The following AKAP13 variants were observed in gnomAD, a reference collection of about 807,000 sequenced individuals.
The protein encoded by AKAP13 is A-kinase anchor protein 13.
AKAP13 carries 80 observed loss-of-function variants against 264.5 expected under a neutral mutation model. The ratio of observed to expected loss-of-function variants is 0.30; its 90% CI spans 0.25 to 0.36. The LOEUF is 0.36. Ranked by LOEUF, AKAP13 falls within the 10% of genes least tolerant of loss-of-function variation. The pLI, the probability that AKAP13 is intolerant of heterozygous loss-of-function variation, is 1.00. For synonymous variants in AKAP13, 1,380 were observed against 1,250.2 expected, an observed-to-expected ratio of 1.10 and a Z score of -2.19; for missense variants, 3,712 against 3,435.2, an observed-to-expected ratio of 1.08 and a Z score of -2.01.
intron 14 of AKAP13, among the ~76,000 whole-genome samples, chr15:85,670,503 T>C (rs894560619): frequency 6.7e-5 from 10 of 150,062 alleles, no homozygotes; most frequent in Non-Finnish European, 1.5e-5. Context: ...TTAATATCGA[T>C]AAAATTGTGT....
rs7181234 is a variant in AKAP13, at chr15:85,489,554, A to G, written c.33+3801A>G. 2.3e-3 allele frequency among the ~76,000 whole-genome samples: 356 copies of G among 152,262 alleles called. 3 individuals are homozygous for G. The highest frequency in any genetic ancestry group is 8.2e-3 in the African/African-American group (339 of 41,558). On this transcript the variant is annotated intron_variant, in intron 2 of 36. Coordinates refer to ENST00000394518, the MANE Select transcript of AKAP13 (RefSeq NM_007200.5). ...GGGGGAAGTTCTCTGCACCTGGACAAAGAAATAAGCAAGAGAACAAAGACT... is the reference window on the plus strand; with the variant it reads ...GGGGGAAGTTCTCTGCACCTGGACAGAGAAATAAGCAAGAGAACAAAGACT...
At chr15:85,544,323 C>T (rs1406992865) in intron 5 of AKAP13, among the ~76,000 whole-genome samples, 1 of 152,166 alleles carries the variant, frequency 6.6e-6, no homozygotes, top group Non-Finnish European at 1.5e-5. Context: ...TTTCCTATAT[C>T]ATATATTTTT....
At chr15:85,667,992 A>G (rs1429851607) in intron 13 of AKAP13, among the ~76,000 whole-genome samples, 1 of 152,106 alleles carries the variant, frequency 6.6e-6, no homozygotes, top group Admixed American at 6.5e-5. Flanking sequence ...GTGCCTTGCT[A>G]TGCTTAGCCT....
intron 1 of AKAP13, among the ~76,000 whole-genome samples, chr15:85,431,861 A>T (rs73448276): frequency 6.6e-6 from 1 of 152,208 alleles, no homozygotes; most frequent in Admixed American, 6.5e-5. Context: ...TCTGAAAGAT[A>T]GAGTTGTGTG....
Position 85,741,280 on chromosome 15 carries a change from C to CGG in AKAP13, c.7845_7846dup (p.Glu2616GlyfsTer80). 1 of 1,610,234 alleles carries CGG rather than the reference C, an allele frequency of 6.2e-7. No homozygotes were observed. The highest frequency in any genetic ancestry group is 8.5e-7 in the Non-Finnish European group (1 of 1,178,416). Reference sequence around the variant, plus strand: ...AGCTCGTGAGAGGGAGCTGCGGGAGCGGGAGGCCCTCCTGGCCCAGCGCGA... The same window carrying CGG: ...AGCTCGTGAGAGGGAGCTGCGGGAGCGGGGGAGGCCCTCCTGGCCCAGCGCGA... On this transcript the variant is annotated frameshift_variant, in exon 35 of 37. Transcript: ENST00000394518. LOFTEE classifies it high-confidence loss of function.
At chr15:85,415,578 G>A in intron 1 of AKAP13, 1 of 1,423,204 alleles carries the variant, frequency 7.0e-7, no homozygotes, top group South Asian at 1.1e-5. Flanking sequence ...GAAATTAGTG[G>A]TGGACTGTGT....
At chr15:85,697,710 A>AT (rs1228574223) in intron 17 of AKAP13, among the ~76,000 whole-genome samples, 3 of 152,206 alleles carry the variant, frequency 2.0e-5, no homozygotes, top group East Asian at 1.9e-4. Context: ...GTATTCATGG[A>AT]TTTTTTCAAA....
intron 16 of AKAP13, among the ~76,000 whole-genome samples, chr15:85,691,377 C>A (rs1364033981): frequency 6.6e-6 from 1 of 152,188 alleles, no homozygotes; most frequent in East Asian, 1.9e-4. Flanking sequence ...GTCCTGGCCT[C>A]CTAAGGATGG....
rs943994582 is a variant in AKAP13, at chr15:85,664,474, A to G, written c.4800-89A>G. ...GCTGACATAGAAATAATACACAAAC[A>G]AGGGAGATATACCCAAAGGGATTTT... On this transcript the variant is annotated intron_variant, in intron 12 of 36. Coordinates refer to ENST00000394518, the MANE Select transcript of AKAP13 (RefSeq NM_007200.5). 2.3e-6 allele frequency: 3 copies of G among 1,313,526 alleles called. No homozygotes were observed. In the African/African-American group the frequency reaches 4.4e-5, roughly 19 times the overall value. The allele number at this position is 1,313,526 out of a possible 1,614,324, so 81.4% of individuals were successfully genotyped here. A position where few individuals can be genotyped will look rare whatever the true frequency, so the allele number is the denominator to read the frequency against.
chr15:85,476,988 G>A (rs1293780595), intron 1 of AKAP13, among the ~76,000 whole-genome samples: 1 of 152,118 alleles, frequency 6.6e-6, no homozygotes, highest in Admixed American at 6.5e-5. Context: ...GAGGTTGGAA[G>A]CTCTAGGAAA....
rs146846489 is a variant in AKAP13, at chr15:85,528,130, G to A, written c.182-5454G>A. ...GCTTCAGCAGTTTTGTTTATCAGTA[G>A]CAATATTTCGTTTCCATGGGTGCGG... is the stretch of plus-strand genomic sequence containing the variant. On this transcript the variant is annotated intron_variant, in intron 3 of 36. Coordinates refer to ENST00000394518, the MANE Select transcript of AKAP13 (RefSeq NM_007200.5). Among the ~76,000 whole-genome samples, 18 of 152,318 alleles carry A rather than the reference G, an allele frequency of 1.2e-4. 1 individual carries two copies. The East Asian group carries it at 3.5e-3, about 29-fold the overall frequency.
chr15:85,514,843 G>GGT (rs1555437898), intron 2 of AKAP13, among the ~76,000 whole-genome samples: 8 of 124,784 alleles, frequency 6.4e-5, no homozygotes, highest in Non-Finnish European at 1.2e-4. Context: ...ATTTTGAGGG[G>GGT]TTTTTTTTTT....
At chr15:85,662,452 A>C in intron 12 of AKAP13, 1 of 1,614,132 alleles carries the variant, frequency 6.2e-7, no homozygotes, top group African/African-American at 1.3e-5. Context: ...TAATTACAGA[A>C]GGTATGATAT....
At chr15:85,485,573 T>C in intron 1 of AKAP13, 137 bp from the exon 2 acceptor site, 1 of 669,688 alleles carries the variant, frequency 1.5e-6, no homozygotes, top group Non-Finnish European at 2.6e-6. Flanking sequence ...GTGTATAGCA[T>C]ACAGCTGGGC....
chr15:85,469,656 A>G (rs1242052327), intron 1 of AKAP13, among the ~76,000 whole-genome samples: 1 of 152,214 alleles, frequency 6.6e-6, no homozygotes. Context: ...TAACTAACTC[A>G]TCTGTTAATA....
intron 4 of AKAP13, among the ~76,000 whole-genome samples, chr15:85,538,761 T>A (rs1241928222): frequency 6.9e-6 from 1 of 145,456 alleles, no homozygotes; most frequent in Non-Finnish European, 1.5e-5. Flanking sequence ...AGTGCTGGGA[T>A]TACAGGCTTG....
intron 1 of AKAP13, among the ~76,000 whole-genome samples, chr15:85,440,579 G>T (rs2073595832): frequency 6.6e-6 from 1 of 152,140 alleles, no homozygotes. Flanking sequence ...TCTAGGATTT[G>T]CATAGATGAC....
At chr15:85,636,046 A>G (rs1243569924) in intron 8 of AKAP13, among the ~76,000 whole-genome samples, 1 of 152,188 alleles carries the variant, frequency 6.6e-6, no homozygotes, top group Non-Finnish European at 1.5e-5. Context: ...TTCTGATCTC[A>G]TGGAATCTCT....
intron 2 of AKAP13, among the ~76,000 whole-genome samples, chr15:85,494,759 T>G (rs2075825631): frequency 6.6e-6 from 1 of 152,164 alleles, no homozygotes; most frequent in Non-Finnish European, 1.5e-5. Context: ...AATAATTAGC[T>G]TATCTGGTGT....
Sources: gnomAD v4.1 joint callset for allele counts (sites outside exome capture counted in the v4.1 genomes callset) on GRCh38, gnomAD v4.1.1 for gene constraint, MANE v1.5 for transcripts, NCBI Gene and HGNC (gene_info 2026-07-23, HGNC 2026-07-21) for gene names.